ZNF142: variants seen among roughly 807,000 people sequenced by gnomAD.
ZNF142 encodes the protein zinc finger protein 142 (clone pHZ-49).
Under a neutral mutation model 132.1 loss-of-function variants are expected in ZNF142, and 96 were observed. The ratio of observed to expected loss-of-function variants is 0.73; its 90% CI spans 0.62 to 0.86. ZNF142 has a LOEUF of 0.86. Among genes scored for constraint, ZNF142 ranks in the 40% least tolerant of loss-of-function variants. The probability of loss-of-function intolerance (pLI) is 0.00; values close to 1 mark genes in which losing one functional copy is unlikely to be tolerated. For missense variants in ZNF142, 2,163 were observed against 2,336.2 expected, an observed-to-expected ratio of 0.93 and a Z score of 1.53; for synonymous variants, 842 against 890.1, an observed-to-expected ratio of 0.95 and a Z score of 0.96.
In ZNF142 at chr2:218,640,780, C is replaced by G. The variant is rs1171937576; in HGVS notation, c.5089-11G>C. ...GATCCGCATGTGGTACTGGAAGAGG[C>G]AAGAGCAAAAAGCAGAAAATATAGT... On this transcript the variant is annotated splice_polypyrimidine_tract_variant and intron_variant, in intron 9 of 10. Coordinates refer to ENST00000411696, the MANE Select transcript of ZNF142 (RefSeq NM_001379659.1). The G allele has an allele frequency of 6.2e-7, 1 of 1,612,398 alleles. No individual in the cohort carries two copies. Among genetic ancestry groups the G allele is most frequent in the South Asian group, 1.1e-5 (1 of 90,948 alleles).
rs1052689885 is a variant in ZNF142, at chr2:218,636,022, T to C, written c.*2317A>G. 1 of 1,575,358 alleles carries C rather than the reference T, an allele frequency of 6.3e-7. No homozygotes were observed. The highest frequency in any genetic ancestry group is 8.7e-7 in the Non-Finnish European group (1 of 1,153,216). On this transcript the variant is annotated 3_prime_UTR_variant, in exon 11 of 11. Coordinates refer to ENST00000411696, the MANE Select transcript of ZNF142 (RefSeq NM_001379659.1). ...TTCCATTAAGTATAGCATCTGTTAT[T>C]GCATGTCCCCACATGGGAGGCAGTG...
intron 4 of ZNF142, among the ~76,000 whole-genome samples, chr2:218,655,299 C>A (rs550541751): frequency 6.6e-6 from 1 of 151,924 alleles, no homozygotes; most frequent in Non-Finnish European, 1.5e-5. Flanking sequence ...GCTAATCTTT[C>A]CCAATATTCT....
rs1553587382 is a variant in ZNF142, at chr2:218,647,422, C to CAAAAAAAAAAAT, written c.1874-1075_1874-1074insATTTTTTTTTTT. On this transcript the variant is annotated intron_variant, in intron 7 of 10. Coordinates refer to ENST00000411696, the MANE Select transcript of ZNF142 (RefSeq NM_001379659.1). Reference sequence around the variant, plus strand: ...TGAGCAACAGAGCCAGACTCCATCTCAAAAAAAAAAAAAGCCTCCTCCCCT... The same window carrying CAAAAAAAAAAAT: ...TGAGCAACAGAGCCAGACTCCATCTCAAAAAAAAAAATAAAAAAAAAAAAAGCCTCCTCCCCT... 7.8e-5 allele frequency among the ~76,000 whole-genome samples: 3 copies of CAAAAAAAAAAAT among 38,650 alleles called. 1 individual carries two copies. The highest frequency in any genetic ancestry group is 2.7e-4 in the African/African-American group (3 of 11,058). The allele number at this position is 38,650 out of a possible 152,430, so 25.4% of individuals were successfully genotyped here. A position where few individuals can be genotyped will look rare whatever the true frequency, so the allele number is the denominator to read the frequency against.
Position 218,643,352 on chromosome 2 carries a change from C to A in ZNF142, c.3764G>T (p.Gly1255Val). 6.2e-7 allele frequency: 1 copy of A among 1,614,210 alleles called. No homozygotes were observed. Among genetic ancestry groups the A allele is most frequent in the Non-Finnish European group, 8.5e-7 (1 of 1,180,032 alleles). Residue 1255 changes from glycine to valine, a missense_variant, in exon 9 of 11, where the codon GGG (glycine) becomes GTG (valine). Gly to Val is a moderately radical substitution (Grantham distance 109, BLOSUM62 -3). Around this residue, in one of 7 missense-constraint regions of ZNF142, gnomAD observed 809 missense variants for 801.7 expected, o/e 1.01. Coordinates refer to ENST00000411696, the MANE Select transcript of ZNF142 (RefSeq NM_001379659.1). ...VAEGCRGGRGGGGKRGTPQTQ... is the reference protein window; with the variant it reads ...VAEGCRGGRGVGGKRGTPQTQ... ...CTGGGGGGTCCCTCGTTTTCCTCCC[C>A]CGCCACGTCCCCCCCTGCAGCCTTC...
At chr2:218,651,601 T>C (rs962200860) in intron 5 of ZNF142, 100 bp downstream of exon 5, 5 of 1,176,378 alleles carry the variant, frequency 4.3e-6, no homozygotes, top group Admixed American at 7.2e-5. Context: ...GATTCTCTTA[T>C]ATTCATGTAC....
intron 4 of ZNF142, among the ~76,000 whole-genome samples, chr2:218,652,811 C>T (rs922676750): frequency 2.0e-5 from 3 of 152,028 alleles, no homozygotes; most frequent in East Asian, 3.8e-4. Flanking sequence ...TAAAGAAAGG[C>T]TTAATAAACG....
rs776150521 is a variant in ZNF142 at position 218,644,639 on chromosome 2, T to A, written c.2477A>T (p.Asp826Val). Residue 826 changes from aspartate to valine, a missense_variant, in exon 9 of 11, where the codon GAT becomes GTT. Asp to Val is a radical substitution (Grantham distance 152). Around this residue, in one of 7 missense-constraint regions of ZNF142, gnomAD observed 749 missense variants for 830.3 expected, o/e 0.90. Coordinates refer to ENST00000411696, the MANE Select transcript of ZNF142 (RefSeq NM_001379659.1). This position sits in a 1 kb window ranked among gnomAD's most constrained non-coding sequence, Gnocchi z 4.6. ...TGACAGCTGGTTTGAGGGCTCTGAATCTGGTGGGGGTGTTGGGCCCTGCAT... is the reference window on the plus strand; with the variant it reads ...TGACAGCTGGTTTGAGGGCTCTGAAACTGGTGGGGGTGTTGGGCCCTGCAT... The part of the protein sequence containing the change: ...GAMQGPTPPP[D>V]SEPSNQLSAR... 1 of 1,614,180 alleles carries A rather than the reference T, an allele frequency of 6.2e-7. No homozygotes were observed. Among genetic ancestry groups the A allele is most frequent in the Non-Finnish European group, 8.5e-7 (1 of 1,180,020 alleles).
At chr2:218,650,836 T>G (rs1937915253) in intron 5 of ZNF142, among the ~76,000 whole-genome samples, 1 of 152,162 alleles carries the variant, frequency 6.6e-6, no homozygotes, top group Admixed American at 6.6e-5. Context: ...AGACTGCAAT[T>G]CCTTCTCTTA....
In ZNF142 at chr2:218,633,723, T is replaced by C. The variant is rs745982556; in HGVS notation, c.*4616A>G. 6.2e-7 allele frequency: 1 copy of C among 1,613,918 alleles called. No homozygotes were observed. Among genetic ancestry groups the C allele is most frequent in the Admixed American group, 1.7e-5 (1 of 60,008 alleles). ...TACCACTTCTACGAGATATCATCTT[T>C]CTCTGAAACCAAGGCCAAGCGCCTC... On this transcript the variant is annotated 3_prime_UTR_variant, in exon 11 of 11. Coordinates refer to ENST00000411696, the MANE Select transcript of ZNF142 (RefSeq NM_001379659.1).
At position 218,636,925 on chromosome 2, in the gene ZNF142, A is replaced by G. The variant is rs535543226; in HGVS notation, c.*1414T>C. The G allele has an allele frequency of 5.2e-5, 24 of 463,740 alleles. 1 individual carries two copies. Among genetic ancestry groups the G allele is most frequent in the South Asian group, 3.4e-4 (22 of 64,620 alleles). 28.7% of individuals were successfully genotyped at this position (463,740 alleles called of 1,614,324 possible). A position where few individuals can be genotyped will look rare whatever the true frequency, so the allele number is the denominator to read the frequency against. The stretch of plus-strand genomic sequence containing the variant: ...CAACTCTGTGTGAAGGCAGGTTGCA[A>G]CTAGAAATTCAGAGGGGCTTGGAAT... On this transcript the variant is annotated 3_prime_UTR_variant, in exon 11 of 11. Transcript: ENST00000411696.
rs745669061 is a variant in ZNF142 at position 218,642,748 on chromosome 2, G to C, written c.4368C>G (p.Thr1456=). The C allele has an allele frequency of 3.7e-6, 6 of 1,614,202 alleles. No homozygotes were observed. The Middle Eastern group carries it at 8.2e-4, about 222-fold the overall frequency. The change falls in exon 9 of 11, where the codon ACC becomes ACG. Residue 1456 remains threonine, a synonymous_variant. Coordinates refer to ENST00000411696, the MANE Select transcript of ZNF142 (RefSeq NM_001379659.1). The surrounding 1 kb of genome is among the most constrained non-coding windows in gnomAD (Gnocchi z 4.6). ...TATAGTCACAAAGTGGACAGAAGTG[G>C]GTAGGTGTTTTGTCATGTACCCTTA... The part of the protein sequence containing the change: ...HRLRVHDKTP[T]HFCPLCDYSG...
rs779845622 is a variant in ZNF142, at chr2:218,648,803, T to A, written c.1705A>T (p.Ser569Cys). The change falls in exon 7 of 11, where the codon AGT (serine) becomes TGT (cysteine). Residue 569 changes from serine (S) to cysteine (C), a missense_variant. Ser to Cys is a moderately radical substitution (Grantham distance 112). Coordinates refer to ENST00000411696, the MANE Select transcript of ZNF142 (RefSeq NM_001379659.1). The stretch of plus-strand genomic sequence containing the variant: ...CAGAAGGTGCAGCGCAGCTCTTCAC[T>A]GCCAGGGTGGCCCTGCTTCTTGTGT... The part of the protein sequence containing the change: ...RKHKKQGHPG[S>C]EELRCTFCPF... 25 of 1,614,084 alleles carry A rather than the reference T, an allele frequency of 1.5e-5. No individual in the cohort carries two copies. The East Asian group carries it at 5.1e-4, about 33-fold the overall frequency.
At chr2:218,641,393 C>T (rs941942215) in intron 9 of ZNF142, among the ~76,000 whole-genome samples, 5 of 151,584 alleles carry the variant, frequency 3.3e-5, no homozygotes, top group East Asian at 1.9e-4. Flanking sequence ...TACAGGTGCC[C>T]GCCACCACAC....
chr2:218,639,603 G>C (rs1020173089), intron 10 of ZNF142, among the ~76,000 whole-genome samples: 5 of 151,986 alleles, frequency 3.3e-5, no homozygotes, highest in African/African-American at 9.7e-5. Context: ...GTGGTGGCGT[G>C]CACTTGTAGA....
chr2:218,639,851 T>C (rs1326964098), intron 10 of ZNF142, among the ~76,000 whole-genome samples: 2 of 150,504 alleles, frequency 1.3e-5, no homozygotes, highest in African/African-American at 4.9e-5. Flanking sequence ...GTCAGGAGAT[T>C]GAGACCATTC....
rs1401522756 is a variant in ZNF142, at chr2:218,638,516, C to T, written c.5487G>A (p.Lys1829=). 1.2e-6 allele frequency: 2 copies of T among 1,609,052 alleles called. No homozygotes were observed. Among genetic ancestry groups the T allele is most frequent in the Admixed American group, 3.3e-5 (2 of 59,798 alleles). Residue 1829 remains lysine (K), a synonymous_variant, in exon 11 of 11, where the codon AAG becomes AAA. Coordinates refer to ENST00000411696, the MANE Select transcript of ZNF142 (RefSeq NM_001379659.1). ...TGACCACCTGGAACTTTTGCTTGGC[C>T]TTGTAGTTGCAGAGGCGGCAAAAGA... The part of the protein sequence containing the change: ...HPFFCRLCNY[K]AKQKFQVVKH...
chr2:218,634,353 C>T lies in ZNF142; in HGVS notation c.*3986G>A. 3 of 1,566,740 alleles carry T rather than the reference C, an allele frequency of 1.9e-6. No homozygotes were observed. The South Asian group carries it at 3.6e-5, about 19-fold the overall frequency. The stretch of plus-strand genomic sequence containing the variant: ...TGAGAAATGCTATCAGTGGATATTA[C>T]CAGCAGGTACCGTGCACCCAGTACC... On this transcript the variant is annotated 3_prime_UTR_variant, in exon 11 of 11. Coordinates refer to ENST00000411696, the MANE Select transcript of ZNF142 (RefSeq NM_001379659.1). This position sits in a 1 kb window ranked among gnomAD's most constrained non-coding sequence, Gnocchi z 4.0.
chr2:218,638,554 C>T lies in ZNF142; in HGVS notation c.5449G>A (p.Asp1817Asn), dbSNP rs367737510. The stretch of plus-strand genomic sequence containing the variant: ...AGGCGGCAAAAGAAGGGGTGGCGGT[C>T]GGTGTGGGTGAGGGCATGATGGCGC... ...GLRHHALTHTDRHPFFCRLCN... is the reference protein window; with the variant it reads ...GLRHHALTHTNRHPFFCRLCN... Residue 1817 changes from aspartate to asparagine, a missense_variant, in exon 11 of 11, where the codon GAC becomes AAC. By Grantham distance (23) the Asp-to-Asn change is conservative. Transcript: ENST00000411696. The T allele has an allele frequency of 9.4e-5, 151 of 1,610,568 alleles. 1 individual carries two copies. Among genetic ancestry groups the T allele is most frequent in the East Asian group, 2.7e-4 (12 of 44,806 alleles).
At position 218,649,340 on chromosome 2, in the gene ZNF142, T is replaced by A. The variant is rs754326457; in HGVS notation, c.1168A>T (p.Ser390Cys). Residue 390 changes from serine to cysteine, a missense_variant, in exon 7 of 11, where the codon AGC (serine) becomes TGC (cysteine). Transcript: ENST00000411696. ...EHLHLHFPDP[S>C]LQCPNCQKFF... is the part of the protein sequence containing the mutation. ...TTCTGGCAGTTAGGGCACTGGAGGC[T>A]GGGGTCTGGGAAGTGGAGATGCAGG... 6.2e-7 allele frequency: 1 copy of A among 1,614,230 alleles called. No homozygotes were observed. The highest frequency in any genetic ancestry group is 1.7e-5 in the Admixed American group (1 of 60,024).
Sources: gnomAD v4.1 joint callset for allele counts (sites outside exome capture counted in the v4.1 genomes callset) on GRCh38, gnomAD v4.1.1 for gene constraint, gnomAD v4.1.1 regional missense constraint, Gnocchi (gnomAD v3.1) non-coding constraint, MANE v1.5 for transcripts, NCBI Gene and HGNC (gene_info 2026-07-23, HGNC 2026-07-21) for gene names.